MMP28: variants seen among roughly 807,000 people sequenced by gnomAD.
MMP28 encodes the protein matrix metallopeptidase 28, also known as matrix metalloproteinase-28.
In MMP28, 55 loss-of-function variants were observed where a neutral mutation model predicts 60.5. The observed-to-expected ratio is 0.91, with a 90% CI of 0.73 to 1.14. MMP28 has a LOEUF of 1.14. Among genes scored for constraint, MMP28 ranks in the 50% most tolerant of loss-of-function variants. The pLI, the probability that MMP28 is intolerant of heterozygous loss-of-function variation, is 0.00. For missense variants in MMP28, 686 were observed against 738.3 expected (o/e 0.93, Z 0.82); for synonymous variants, 318 against 312.5 (o/e 1.02, Z -0.18).
At position 35,790,666 on chromosome 17, in the gene MMP28, AG is replaced by A. The variant is rs777120106; in HGVS notation, c.111+4600del. Among the ~76,000 whole-genome samples the A allele has an allele frequency of 2.5e-3, 386 of 152,278 alleles. 1 individual carries two copies. Among genetic ancestry groups the A allele is most frequent in the Non-Finnish European group, 3.9e-3 (267 of 68,012 alleles). ...ATGATCCCATTTATATGAAATGTCC[AG>A]GATATCCAAATATATATACACAGAA... On this transcript the variant is annotated intron_variant, in intron 1 of 7. Transcript: ENST00000605424.
chr17:35,760,815 G>T, intron 2 of MMP28: 1 of 1,101,386 alleles, frequency 9.1e-7, no homozygotes. Flanking sequence ...ATGGGCAGGT[G>T]AGGTTCTAGC....
At chr17:35,761,982 T>C (rs2085829477), downstream of MMP28, among the ~76,000 whole-genome samples, 1 of 152,110 alleles carries the variant, frequency 6.6e-6, no homozygotes, top group South Asian at 2.1e-4. Context: ...ACGTTTCTTT[T>C]TCTTTCTTTC....
chr17:35,774,981 T>C (rs532938620), intron 3 of MMP28, among the ~76,000 whole-genome samples: 79 of 152,238 alleles, frequency 5.2e-4, no homozygotes, highest in Non-Finnish European at 1.1e-3. Flanking sequence ...TCTAATCCAT[T>C]AGCATAGTGT....
chr17:35,760,966 T>C, downstream of MMP28: 1 of 1,612,460 alleles, frequency 6.2e-7, no homozygotes, highest in Non-Finnish European at 8.5e-7. Context: ...TGAGTGGGGC[T>C]GGAGGCAGGG....
intron 3 of MMP28, among the ~76,000 whole-genome samples, chr17:35,777,300 C>T (rs1182990649): frequency 1.3e-5 from 2 of 152,230 alleles, no homozygotes; most frequent in East Asian, 1.9e-4. Flanking sequence ...TCTTCCTCTC[C>T]ATTGCCCAGA....
intron 4 of MMP28, among the ~76,000 whole-genome samples, chr17:35,771,586 A>G (rs1462099358): frequency 1.3e-5 from 2 of 149,054 alleles, no homozygotes; most frequent in Non-Finnish European, 3.0e-5. Context: ...TAAACTTGAG[A>G]TGGTTCACTT....
rs755879354 is a variant in MMP28, at chr17:35,766,613, G to A, written c.1450C>T (p.Arg484Cys). The A allele has an allele frequency of 2.9e-5, 46 of 1,612,572 alleles. No individual in the cohort carries two copies. The highest frequency in any genetic ancestry group is 2.0e-5 in the Non-Finnish European group (24 of 1,179,770). ...DGSIIFFRDD[R>C]YWRLDQAKLQ... ...TTGGCCTGGTCGAGGCGCCAGTAGC[G>A]GTCATCTCGGAAGAAGATGATGGAG... The change falls in exon 8 of 8, where the codon CGC (arginine) becomes TGC (cysteine). Residue 484 changes from arginine (R) to cysteine (C), a missense_variant. Transcript: ENST00000605424. The surrounding 1 kb of genome is among the most constrained non-coding windows in gnomAD (Gnocchi z 4.3).
intron 1 of MMP28, among the ~76,000 whole-genome samples, chr17:35,789,941 T>C (rs906464967): frequency 1.3e-5 from 2 of 151,732 alleles, no homozygotes; most frequent in Non-Finnish European, 2.9e-5. Flanking sequence ...TTTGTATTTT[T>C]AGTAGAGACG....
chr17:35,767,003 T>A (rs1555603755), intron 7 of MMP28, 109 bp from the exon 8 acceptor site: 1 of 1,036,688 alleles, frequency 9.6e-7, no homozygotes, highest in Non-Finnish European at 1.4e-6. Context: ...GAGCCCACGA[T>A]GGTTGGTATT....
In MMP28 at chr17:35,795,397, C is replaced by T; in HGVS notation, c.-20G>A. On this transcript the variant is annotated 5_prime_UTR_variant, in exon 1 of 8. Coordinates refer to ENST00000605424, the MANE Select transcript of MMP28 (RefSeq NM_024302.5). ...GACCATCTCGCCGCCTCCGGTGCAG[C>T]CCGGCTCGGGGAGCTACTGCGCGCA... 2 of 1,400,076 alleles carry T rather than the reference C, an allele frequency of 1.4e-6. No homozygotes were observed. The highest frequency in any genetic ancestry group is 1.8e-6 in the Non-Finnish European group (2 of 1,081,674). 86.7% of individuals were successfully genotyped at this position (1,400,076 alleles called of 1,614,324 possible).
chr17:35,782,363 G>C (rs918489452), intron 1 of MMP28, among the ~76,000 whole-genome samples: 2 of 152,086 alleles, frequency 1.3e-5, no homozygotes, highest in African/African-American at 4.8e-5. Context: ...CCACCATGCT[G>C]TATTTCTTAA....
chr17:35,775,761 T>C (rs1456905788), intron 3 of MMP28, among the ~76,000 whole-genome samples: 1 of 152,172 alleles, frequency 6.6e-6, no homozygotes, highest in Non-Finnish European at 1.5e-5. Context: ...CTTCCTTCCT[T>C]TTCCACCCCG....
Position 35,779,090 on chromosome 17 carries a change from G to C in MMP28, c.192-15C>G. ...ACTGAAACGCTCTGTCAGGAGGAAA[G>C]GACCGCAAGGGGAGGGTGAGTGGTA... On this transcript the variant is annotated splice_polypyrimidine_tract_variant and intron_variant, in intron 2 of 7. Coordinates refer to ENST00000605424, the MANE Select transcript of MMP28 (RefSeq NM_024302.5). 2 of 1,611,636 alleles carry C rather than the reference G, an allele frequency of 1.2e-6. No individual in the cohort carries two copies. The highest frequency in any genetic ancestry group is 1.7e-6 in the Non-Finnish European group (2 of 1,178,574).
chr17:35,787,294 T>C (rs1047609035), intron 1 of MMP28, among the ~76,000 whole-genome samples: 2 of 152,222 alleles, frequency 1.3e-5, no homozygotes, highest in South Asian at 4.1e-4. Context: ...CTGAAGCATG[T>C]TCCTGCGTAA....
intron 1 of MMP28, among the ~76,000 whole-genome samples, chr17:35,794,184 C>T (rs1158120158): frequency 6.6e-6 from 1 of 151,828 alleles, no homozygotes; most frequent in African/African-American, 2.4e-5. Flanking sequence ...GAAGTAAGAA[C>T]ACAAGCAGAC....
intron 1 of MMP28, among the ~76,000 whole-genome samples, chr17:35,779,608 C>T (rs1042583000): frequency 3.9e-5 from 6 of 152,172 alleles, no homozygotes; most frequent in Non-Finnish European, 8.8e-5. Flanking sequence ...CCATATCTTA[C>T]GGCATCAGTA....
intron 5 of MMP28, among the ~76,000 whole-genome samples, chr17:35,769,812 G>T (rs1354695071): frequency 1.3e-5 from 2 of 151,962 alleles, no homozygotes; most frequent in Non-Finnish European, 1.5e-5. Flanking sequence ...CAAGGGGCGG[G>T]GTTGGGGGTA....
downstream of MMP28, chr17:35,764,456 G>A (rs373896097): frequency 1.0e-5 from 16 of 1,557,802 alleles, no homozygotes; most frequent in Non-Finnish European, 3.5e-6. Context: ...AGCCGTGCGT[G>A]CTGGAGATCC....
chr17:35,766,893 C>T lies in MMP28; in HGVS notation c.1170G>A (p.Gly390=), dbSNP rs1555603665. The part of the protein sequence containing the change: ...LNDGDFYFFK[G]GRCWRFRGPK... ...GGCCCCGGAACCTCCAGCATCGACC[C>T]CCTGTGGGGAATTGGGAGAGCCAGG... Residue 390 remains glycine (G), a splice_region_variant and synonymous_variant, in exon 8 of 8, where the codon GGG becomes GGA. Coordinates refer to ENST00000605424, the MANE Select transcript of MMP28 (RefSeq NM_024302.5). The surrounding 1 kb of genome is among the most constrained non-coding windows in gnomAD (Gnocchi z 4.3). 6.4e-7 allele frequency: 1 copy of T among 1,572,858 alleles called. No homozygotes were observed. The highest frequency in any genetic ancestry group is 8.6e-7 in the Non-Finnish European group (1 of 1,160,030).
Sources: allele counts gnomAD v4.1 joint callset (sites outside exome capture counted in the v4.1 genomes callset), GRCh38; gene constraint gnomAD v4.1.1; non-coding constraint Gnocchi (gnomAD v3.1); transcripts MANE v1.5; gene names NCBI Gene and HGNC (gene_info 2026-07-23, HGNC 2026-07-21).